Variants in LRP1 observed in about 807,000 individuals in gnomAD.
LRP1 encodes the protein prolow-density lipoprotein receptor-related protein 1.
A neutral mutation model predicts 541.5 loss-of-function variants in LRP1; 51 were observed. The ratio of observed to expected loss-of-function variants is 0.09; its 90% CI spans 0.08 to 0.12. The LOEUF (loss-of-function observed/expected upper bound fraction) is 0.12. Ranked by LOEUF, LRP1 falls within the 10% of genes least tolerant of loss-of-function variation. The pLI is 1.00. For missense variants in LRP1, 3,878 were observed against 6,376.2 expected (o/e 0.61, Z 13.34); for synonymous variants, 2,219 against 2,470.8 (o/e 0.90, Z 3.02).
In LRP1 at chr12:57,209,250, A is replaced by G. The variant is rs373309211; in HGVS notation, c.12262+51A>G. 4 of 1,468,110 alleles carry G rather than the reference A, an allele frequency of 2.7e-6. No homozygotes were observed. In the African/African-American group the frequency reaches 5.6e-5, roughly 20 times the overall value. The allele number at this position is 1,468,110 out of a possible 1,614,324, so 90.9% of individuals were successfully genotyped here. A position where few individuals can be genotyped will look rare whatever the true frequency, so the allele number is the denominator to read the frequency against. ...CCCCAGCCCTGTCCCCAGCCTTGCC[A>G]TCCTCCCTACTGAGCCAAAGGCCTC... On this transcript the variant is annotated intron_variant, in intron 79 of 88. Coordinates refer to ENST00000243077, the MANE Select transcript of LRP1 (RefSeq NM_002332.3).
At position 57,144,998 on chromosome 12, in the gene LRP1, A is replaced by G; in HGVS notation, c.475A>G (p.Thr159Ala). The G allele has an allele frequency of 6.2e-7, 1 of 1,614,102 alleles. No individual in the cohort carries two copies. The highest frequency in any genetic ancestry group is 8.5e-7 in the Non-Finnish European group (1 of 1,180,036). Residue 159 changes from threonine (T) to alanine (A), a missense_variant, in exon 5 of 89, where the codon ACC (threonine) becomes GCC (alanine). This residue lies in a region of LRP1 where 293 missense variants were observed against 403.7 expected (regional missense o/e 0.73). Transcript: ENST00000243077. ...KDFDECSVYGTCSQLCTNTDG... is the reference protein window; with the variant it reads ...KDFDECSVYGACSQLCTNTDG... ...TTTTGATGAGTGCTCAGTGTACGGCACCTGCAGCCAGCTATGCACCAACAC... is the reference window on the plus strand; with the variant it reads ...TTTTGATGAGTGCTCAGTGTACGGCGCCTGCAGCCAGCTATGCACCAACAC...
At chr12:57,194,725 T>C (rs2036491576) in intron 50 of LRP1, 26 bp downstream of exon 50, 8 of 1,529,638 alleles carry the variant, frequency 5.2e-6, no homozygotes, top group African/African-American at 1.4e-5. Flanking sequence ...ACCCACTCAG[T>C]GCTCCAAGAG....
rs748042150 is a variant in LRP1, at chr12:57,192,895, C to T, written c.7480C>T (p.Leu2494=). ...INNGGCQDLC[L]LTHQGHVNCS... ...CAACGGTGGCTGCCAGGACCTGTGT[C>T]TGCTCACTCACCAGGGCCATGTCAA... The change falls in exon 45 of 89, where the codon CTG becomes TTG. Residue 2494 remains leucine, a synonymous_variant. Coordinates refer to ENST00000243077, the MANE Select transcript of LRP1 (RefSeq NM_002332.3). 9.9e-6 allele frequency: 16 copies of T among 1,614,028 alleles called. No homozygotes were observed. Among genetic ancestry groups the T allele is most frequent in the Non-Finnish European group, 8.5e-6 (10 of 1,180,044 alleles).
In LRP1 at chr12:57,200,334, ACCCTGACC is replaced by A. The variant is rs989070407; in HGVS notation, c.10015-105_10015-98del. The A allele has an allele frequency of 4.0e-6, 3 of 752,934 alleles. No individual in the cohort carries two copies. In the African/African-American group the frequency reaches 5.2e-5, roughly 13 times the overall value. The allele number at this position is 752,934 out of a possible 1,614,324, so 46.6% of individuals were successfully genotyped here. On this transcript the variant is annotated intron_variant, in intron 62 of 88. Coordinates refer to ENST00000243077, the MANE Select transcript of LRP1 (RefSeq NM_002332.3). ...ACCATAGCCCAACCTGCCCCATAAC[ACCCTGACC>A]CCTGCCTCAACTTCTTTGAAACATC...
intron 20 of LRP1, among the ~76,000 whole-genome samples, chr12:57,172,197 G>A (rs1383200202): frequency 6.6e-6 from 1 of 150,450 alleles, no homozygotes; most frequent in Non-Finnish European, 1.5e-5. Context: ...TTTTGAGATG[G>A]AGTCTCTCTG....
intron 63 of LRP1, 42 bp downstream of exon 63, chr12:57,200,577 T>G: frequency 6.3e-7 from 1 of 1,580,628 alleles, no homozygotes; most frequent in Non-Finnish European, 8.7e-7. Context: ...CCCAGCTGTG[T>G]CGGAGGCCTG....
chr12:57,202,542 G>GGGGGGCCCCCCCCCCCCC lies in LRP1; in HGVS notation c.10711+5_10711+6insGGGGGCCCCCCCCCCCCC. On this transcript the variant is annotated splice_donor_region_variant and intron_variant, in intron 68 of 88. Coordinates refer to ENST00000243077, the MANE Select transcript of LRP1 (RefSeq NM_002332.3). ...ACTCCGATGAAGAGAGCTGCAGTAC[G>GGGGGGCCCCCCCCCCCCC]TCCCCACCCACCCAGCCCCGCATGA... is the stretch of plus-strand genomic sequence containing the variant. 6.4e-7 allele frequency: 1 copy of GGGGGGCCCCCCCCCCCCC among 1,563,850 alleles called. No homozygotes were observed.
At position 57,177,324 on chromosome 12, in the gene LRP1, C is replaced by A; in HGVS notation, c.4196+79C>A. 6.4e-7 allele frequency: 1 copy of A among 1,571,790 alleles called. No individual in the cohort carries two copies. Among genetic ancestry groups the A allele is most frequent in the Non-Finnish European group, 8.7e-7 (1 of 1,149,566 alleles). ...TCAGCCTGGCCAGGGACACCTTACT[C>A]CTCAGTGCCATCTGCCTCCTCCCAC... On this transcript the variant is annotated intron_variant, in intron 25 of 88. Transcript: ENST00000243077. This position sits in a 1 kb window ranked among gnomAD's most constrained non-coding sequence, Gnocchi z 6.8.
Position 57,178,910 on chromosome 12 carries a change from A to C in LRP1, c.4627A>C (p.Asn1543His), listed in dbSNP as rs905046474. 3.1e-6 allele frequency: 5 copies of C among 1,613,318 alleles called. No individual in the cohort carries two copies. In the African/African-American group the frequency reaches 6.7e-5, roughly 22 times the overall value. The change falls in exon 28 of 89, where the codon AAT becomes CAT. Residue 1543 changes from asparagine (N) to histidine (H), a missense_variant. Transcript: ENST00000243077. This position sits in a 1 kb window ranked among gnomAD's most constrained non-coding sequence, Gnocchi z 5.8. ...QPMAPNPCEA[N>H]GGQGPCSHLC... ...CCCAGCTCCCAATCCCTGTGAGGCC[A>C]ATGGGGGCCAGGGCCCCTGCTCCCA...
chr12:57,200,122 C>G (rs1055917361), intron 62 of LRP1, 97 bp downstream of exon 62: 1 of 1,077,344 alleles, frequency 9.3e-7, no homozygotes, highest in African/African-American at 1.6e-5. Flanking sequence ...TGTCCTCATG[C>G]ATCTGGTTTT....
chr12:57,185,728 A>G lies in LRP1; in HGVS notation c.6661A>G (p.Asn2221Asp). The change falls in exon 41 of 89, where the codon AAT becomes GAT. Residue 2221 changes from asparagine (N) to aspartate (D), a missense_variant. Asn to Asp is a conservative substitution (Grantham distance 23). This residue lies in a region of LRP1 where 1,100 missense variants were observed against 1,827.4 expected (regional missense o/e 0.60). Transcript: ENST00000243077. This position sits in a 1 kb window ranked among gnomAD's most constrained non-coding sequence, Gnocchi z 4.9. ...CCACCTGTCGGATGAGCGCAACCTCAATGCGCCCGTGCAGCCCTTCGAGGA... is the reference window on the plus strand; with the variant it reads ...CCACCTGTCGGATGAGCGCAACCTCGATGCGCCCGTGCAGCCCTTCGAGGA... ...SIHLSDERNL[N>D]APVQPFEDPE... The G allele has an allele frequency of 1.2e-6, 2 of 1,614,116 alleles. No individual in the cohort carries two copies. Among genetic ancestry groups the G allele is most frequent in the Non-Finnish European group, 1.7e-6 (2 of 1,180,012 alleles).
rs1051472832 is a variant in LRP1, at chr12:57,212,091, C to G, written c.13350-26C>G. On this transcript the variant is annotated intron_variant, in intron 87 of 88. Transcript: ENST00000243077. This position sits in a 1 kb window ranked among gnomAD's most constrained non-coding sequence, Gnocchi z 5.0. ...AGCCTTCCCCCCCAATAATCTCTGT[C>G]TCCTTATACTCCTGCCTTTCCCCAG... The G allele has an allele frequency of 2.5e-6, 4 of 1,612,910 alleles. No homozygotes were observed. The African/African-American group carries it at 5.3e-5, about 22-fold the overall frequency.
chr12:57,171,480 G>A lies in LRP1; in HGVS notation c.3164-1688G>A, dbSNP rs1353704795. ...GCCGTTCAGACCGAGGGAAAGGCTC[G>A]TGCAGGGACAGTGGGGAATGAGGCT... On this transcript the variant is annotated intron_variant, in intron 20 of 88. Coordinates refer to ENST00000243077, the MANE Select transcript of LRP1 (RefSeq NM_002332.3). Among the ~76,000 whole-genome samples the A allele has an allele frequency of 6.6e-5, 10 of 152,178 alleles. No individual in the cohort carries two copies. The East Asian group carries it at 7.7e-4, about 12-fold the overall frequency.
rs139180975 is a variant in LRP1, at chr12:57,173,213, G to A, written c.3209G>A (p.Arg1070Gln). ...GGCHTDEFQCRLDGLCIPLRW... is the reference protein window; with the variant it reads ...GGCHTDEFQCQLDGLCIPLRW... ...TGCCACACTGATGAGTTCCAGTGCC[G>A]GCTGGATGGACTATGCATCCCCCTG... Residue 1070 changes from arginine to glutamine, a missense_variant, in exon 21 of 89, where the codon CGG becomes CAG. By Grantham distance (43) the Arg-to-Gln change is conservative. Coordinates refer to ENST00000243077, the MANE Select transcript of LRP1 (RefSeq NM_002332.3). The surrounding 1 kb of genome is among the most constrained non-coding windows in gnomAD (Gnocchi z 4.7). 90 of 1,613,630 alleles carry A rather than the reference G, an allele frequency of 5.6e-5. No individual in the cohort carries two copies. The highest frequency in any genetic ancestry group is 8.0e-5 in the African/African-American group (6 of 74,914).
chr12:57,153,518 C>T (rs796263860), intron 6 of LRP1, among the ~76,000 whole-genome samples: 48 of 152,256 alleles, frequency 3.2e-4, no homozygotes, highest in African/African-American at 1.1e-3. Context: ...CTCTCTCCTC[C>T]AGCCCTATGA....
At chr12:57,195,838 C>A in intron 53 of LRP1, 25 bp from the exon 54 acceptor site, 1 of 1,614,018 alleles carries the variant, frequency 6.2e-7, no homozygotes, top group Non-Finnish European at 8.5e-7. Flanking sequence ...AGGGCATCAG[C>A]CTCACAGGTC....
intron 80 of LRP1, 53 bp downstream of exon 80, chr12:57,209,921 T>A (rs2036869869): frequency 6.2e-7 from 1 of 1,600,728 alleles, no homozygotes; most frequent in African/African-American, 1.3e-5. Flanking sequence ...GGGCATTGAG[T>A]CTCCAAGCTG....
Position 57,162,714 on chromosome 12 carries a change from T to C in LRP1, c.2405-144T>C. On this transcript the variant is annotated intron_variant, in intron 14 of 88. Transcript: ENST00000243077. This position sits in a 1 kb window ranked among gnomAD's most constrained non-coding sequence, Gnocchi z 5.2. ...TTTCCCTTCCTGCCCCATGTCTGTG[T>C]CTCCTGTTCTTCAACATGATCTTCT... The C allele has an allele frequency of 9.3e-7, 1 of 1,081,044 alleles. No individual in the cohort carries two copies. The highest frequency in any genetic ancestry group is 1.3e-6 in the Non-Finnish European group (1 of 752,340). 67.0% of individuals were successfully genotyped at this position (1,081,044 alleles called of 1,614,324 possible).
At chr12:57,143,570 C>A in intron 3 of LRP1, 109 bp from the exon 4 acceptor site, 3 of 1,339,902 alleles carry the variant, frequency 2.2e-6, no homozygotes, top group South Asian at 1.4e-5. Flanking sequence ...GACACTGCAG[C>A]CCTTAGAAGT....
Sources: allele counts gnomAD v4.1 joint callset (sites outside exome capture counted in the v4.1 genomes callset), GRCh38; gene constraint gnomAD v4.1.1; regional missense constraint gnomAD v4.1.1; non-coding constraint Gnocchi (gnomAD v3.1); transcripts MANE v1.5; gene names NCBI Gene and HGNC (gene_info 2026-07-23, HGNC 2026-07-21).